Variants in ARHGEF37 observed in about 807,000 individuals in gnomAD.
ARHGEF37 encodes Rho guanine nucleotide exchange factor (GEF) 37.
ARHGEF37 carries 55 observed loss-of-function variants against 71.1 expected under a neutral mutation model. The ratio of observed to expected loss-of-function variants is 0.77; its 90% confidence interval spans 0.62 to 0.97. The LOEUF (loss-of-function observed/expected upper bound fraction) is 0.97. Among genes scored for constraint, ARHGEF37 ranks in the 50% least tolerant of loss-of-function variants. The pLI is 0.00. For synonymous variants in ARHGEF37, 327 were observed against 350.6 expected (o/e 0.93, Z 0.75); for missense variants, 765 against 836.8 (o/e 0.91, Z 1.06).
At chr5:149,587,325 A>C (rs933875457) in intron 1 of ARHGEF37, among the ~76,000 whole-genome samples, 1 of 152,162 alleles carries the variant, frequency 6.6e-6, no homozygotes, top group African/African-American at 2.4e-5. Context: ...TCTTTAGACA[A>C]CTTCATACAT....
intron 4 of ARHGEF37, among the ~76,000 whole-genome samples, chr5:149,615,753 G>A (rs558096127): frequency 1.1e-4 from 16 of 152,120 alleles, no homozygotes; most frequent in African/African-American, 2.4e-4. Context: ...TCAGCTGGGC[G>A]TGGTGGTGTG....
At chr5:149,565,935 C>T (rs372678777) in intron 1 of ARHGEF37, among the ~76,000 whole-genome samples, 2 of 147,316 alleles carry the variant, frequency 1.4e-5, no homozygotes, top group South Asian at 2.2e-4. Flanking sequence ...CTGCAACCTC[C>T]GCCTCCCAGG....
In ARHGEF37 at chr5:149,601,005, G is replaced by C. The variant is rs967333923; in HGVS notation, c.187-103G>C. ...CCACTGGGGCAGCCAATCTTCTCAG[G>C]AGTGATGGGAATGGTGTGAGTGTTC... On this transcript the variant is annotated intron_variant, in intron 2 of 12. Coordinates refer to ENST00000333677, the MANE Select transcript of ARHGEF37 (RefSeq NM_001001669.3). The C allele has an allele frequency of 6.0e-6, 8 of 1,338,130 alleles. No homozygotes were observed. The African/African-American group carries it at 7.3e-5, about 12-fold the overall frequency. The allele number at this position is 1,338,130 out of a possible 1,614,324, so 82.9% of individuals were successfully genotyped here. A position where few individuals can be genotyped will look rare whatever the true frequency, so the allele number is the denominator to read the frequency against.
intron 1 of ARHGEF37, among the ~76,000 whole-genome samples, chr5:149,559,450 C>T (rs1431480394): frequency 1.3e-5 from 2 of 152,162 alleles, no homozygotes; most frequent in Admixed American, 6.5e-5. Flanking sequence ...TTTTAATGTC[C>T]ATATGTTAAT....
intron 6 of ARHGEF37, among the ~76,000 whole-genome samples, chr5:149,618,701 T>C (rs368530559): frequency 1.3e-5 from 2 of 152,198 alleles, no homozygotes; most frequent in African/African-American, 4.8e-5. Flanking sequence ...GTAAAACCCT[T>C]GTCCAGAGTC....
At chr5:149,612,672 T>G (rs2113350505) in intron 4 of ARHGEF37, among the ~76,000 whole-genome samples, 1 of 152,298 alleles carries the variant, frequency 6.6e-6, no homozygotes, top group Admixed American at 6.5e-5. Context: ...GGGGGACATA[T>G]GAGACATGGA....
chr5:149,615,550 T>A (rs1305355284), intron 4 of ARHGEF37, among the ~76,000 whole-genome samples: 1 of 152,148 alleles, frequency 6.6e-6, no homozygotes, highest in African/African-American at 2.4e-5. Context: ...TTTTTACCCC[T>A]AAATACTTTA....
At chr5:149,603,317 A>G (rs1399022850) in intron 3 of ARHGEF37, among the ~76,000 whole-genome samples, 1 of 152,136 alleles carries the variant, frequency 6.6e-6, no homozygotes, top group African/African-American at 2.4e-5. Context: ...ATATTAATTC[A>G]CTTCATCTCA....
chr5:149,556,138 G>A (rs897051473), intron 1 of ARHGEF37, among the ~76,000 whole-genome samples: 1 of 152,136 alleles, frequency 6.6e-6, no homozygotes, highest in Non-Finnish European at 1.5e-5. Flanking sequence ...TTTGGTGCAA[G>A]TAAATAGAAA....
Position 149,618,214 on chromosome 5 carries a change from G to A in ARHGEF37, c.697G>A (p.Glu233Lys). ...YTKVEQLTLR[E>K]RLARINTHTL... Reference sequence around the variant, plus strand: ...CAAGGTAGAGCAGCTGACCCTCCGGGAGCGGCTGGCCCGCATCAACACACA... The same window carrying A: ...CAAGGTAGAGCAGCTGACCCTCCGGAAGCGGCTGGCCCGCATCAACACACA... Residue 233 changes from glutamate to lysine, a missense_variant, in exon 6 of 13, where the codon GAG becomes AAG. By Grantham distance (56) the Glu-to-Lys change is moderately conservative. Coordinates refer to ENST00000333677, the MANE Select transcript of ARHGEF37 (RefSeq NM_001001669.3). The A allele has an allele frequency of 6.2e-7, 1 of 1,614,206 alleles. No individual in the cohort carries two copies. The highest frequency in any genetic ancestry group is 8.5e-7 in the Non-Finnish European group (1 of 1,180,032).
At chr5:149,615,299 T>G (rs1018599919) in intron 4 of ARHGEF37, among the ~76,000 whole-genome samples, 5 of 144,612 alleles carry the variant, frequency 3.5e-5, no homozygotes, top group Non-Finnish European at 7.6e-5. Flanking sequence ...CCACCATGCC[T>G]AGTTAATTTT....
At chr5:149,601,339 C>T (rs576412441) in intron 3 of ARHGEF37, 108 bp downstream of exon 3, 21 of 1,355,284 alleles carry the variant, frequency 1.5e-5, no homozygotes, top group Middle Eastern at 2.6e-4. Flanking sequence ...TGCAGCTCAA[C>T]GGCAGTCTGT....
rs778087058 is a variant in ARHGEF37, at chr5:149,618,353, G to T, written c.789+47G>T. ...AGAGTCACATCCAGCCACCCCCAAG[G>T]CCAGGCCCTGCACAGTGGGTAGACA... On this transcript the variant is annotated intron_variant, in intron 6 of 12. Coordinates refer to ENST00000333677, the MANE Select transcript of ARHGEF37 (RefSeq NM_001001669.3). The T allele has an allele frequency of 8.7e-6, 14 of 1,612,304 alleles. No individual in the cohort carries two copies. The African/African-American group carries it at 1.9e-4, about 22-fold the overall frequency.
chr5:149,626,420 A>G (rs1369784173), intron 10 of ARHGEF37, among the ~76,000 whole-genome samples: 1 of 152,202 alleles, frequency 6.6e-6, no homozygotes, highest in Non-Finnish European at 1.5e-5. Flanking sequence ...GCAATGGAAA[A>G]ACAGGAAATG....
chr5:149,586,860 G>A (rs1561789664), intron 1 of ARHGEF37, among the ~76,000 whole-genome samples: 1 of 152,046 alleles, frequency 6.6e-6, no homozygotes, highest in Non-Finnish European at 1.5e-5. Flanking sequence ...TATGTCACAA[G>A]AGACTGACAA....
intron 2 of ARHGEF37, among the ~76,000 whole-genome samples, chr5:149,598,327 T>TCTTCTTCTTCTTTCTTCC (rs1763624399): frequency 1.1e-5 from 1 of 90,552 alleles, no homozygotes; most frequent in Non-Finnish European, 2.3e-5. Context: ...TTCTTCTTCT[T>TCTTCTTCTTCTTTCTTCC]TCTTCCTCTT....
rs1762839845 is a variant in ARHGEF37 at position 149,562,051 on chromosome 5, ACACATCCTGTTAACTCTTAACTCT to A, written c.-12+9930_-12+9953del. Among the ~76,000 whole-genome samples, 5 of 152,286 alleles carry A rather than the reference ACACATCCTGTTAACTCTTAACTCT, an allele frequency of 3.3e-5. No individual in the cohort carries two copies. In the South Asian group the frequency reaches 1.0e-3, roughly 32 times the overall value. On this transcript the variant is annotated intron_variant, in intron 1 of 2. Coordinates refer to the ARHGEF37 transcript ENST00000505810. ...TTCCTGAGGAGAGCTGGTCCTAAGAACACATCCTGTTAACTCTTAACTCTCCATGCTGATGCCAGGAAGCACTGA... is the reference window on the plus strand; with the variant it reads ...TTCCTGAGGAGAGCTGGTCCTAAGAACCATGCTGATGCCAGGAAGCACTGA...
intron 1 of ARHGEF37, among the ~76,000 whole-genome samples, chr5:149,562,549 C>T (rs1762847194): frequency 6.6e-6 from 1 of 152,134 alleles, no homozygotes. Context: ...TTCACGCTAT[C>T]CTCCTGCCTC....
chr5:149,633,769 G>A lies in ARHGEF37; in HGVS notation c.*1578G>A, dbSNP rs779010312. Reference sequence around the variant, plus strand: ...AAGCAGTGAGCTCTGGTTTTTGAAGGGCTTTTAAGAAATATATACATGTCT... The same window carrying A: ...AAGCAGTGAGCTCTGGTTTTTGAAGAGCTTTTAAGAAATATATACATGTCT... On this transcript the variant is annotated 3_prime_UTR_variant, in exon 13 of 13. Coordinates refer to ENST00000333677, the MANE Select transcript of ARHGEF37 (RefSeq NM_001001669.3). 1.3e-5 allele frequency: 2 copies of A among 152,128 alleles called. No individual in the cohort carries two copies. Among genetic ancestry groups the A allele is most frequent in the Non-Finnish European group, 2.9e-5 (2 of 68,034 alleles). 9.4% of individuals were successfully genotyped at this position (152,128 alleles called of 1,614,324 possible).
Sources: gnomAD v4.1 joint callset for allele counts (sites outside exome capture counted in the v4.1 genomes callset) on GRCh38, gnomAD v4.1.1 for gene constraint, MANE v1.5 for transcripts, NCBI Gene and HGNC (gene_info 2026-07-23, HGNC 2026-07-21) for gene names.